ME1: variants seen among roughly 807,000 people sequenced by gnomAD.
ME1 encodes the protein NADP-dependent malic enzyme.
A neutral mutation model predicts 66.4 loss-of-function variants in ME1; 74 were observed. The ratio of observed to expected loss-of-function variants is 1.11; its 90% confidence interval spans 0.92 to 1.35. The LOEUF is 1.35. Ranked by LOEUF, ME1 falls within the 40% of genes most tolerant of loss-of-function variation. The pLI is 0.00. For missense variants in ME1, 750 were observed against 694.1 expected, an observed-to-expected ratio of 1.08 and a Z score of -0.90; for synonymous variants, 251 against 235.6, an observed-to-expected ratio of 1.07 and a Z score of -0.60.
At chr6:83,244,819 T>C (rs1365594915) in intron 7 of ME1, among the ~76,000 whole-genome samples, 2 of 152,046 alleles carry the variant, frequency 1.3e-5, no homozygotes, top group Non-Finnish European at 2.9e-5. Context: ...CAGAAAAATG[T>C]GTTATAACAC....
intron 3 of ME1, among the ~76,000 whole-genome samples, chr6:83,390,885 T>C (rs13340464): frequency 1.2e-5 from 1 of 85,896 alleles, no homozygotes; most frequent in Non-Finnish European, 3.1e-5. Context: ...TATATACATA[T>C]ATACATACAT....
chr6:83,373,921 C>A (rs1299607041), intron 3 of ME1, among the ~76,000 whole-genome samples: 1 of 152,118 alleles, frequency 6.6e-6, no homozygotes, highest in Admixed American at 6.5e-5. Context: ...CATCCATGTC[C>A]CTGAAAAGGC....
intron 1 of ME1, among the ~76,000 whole-genome samples, chr6:83,410,321 T>C (rs559163311): frequency 6.6e-6 from 1 of 152,268 alleles, no homozygotes; most frequent in Admixed American, 6.5e-5. Context: ...ATATTAAAAT[T>C]TATAAAATCT....
chr6:83,425,347 G>A (rs1770348892), intron 1 of ME1, among the ~76,000 whole-genome samples: 1 of 152,024 alleles, frequency 6.6e-6, no homozygotes, highest in Non-Finnish European at 1.5e-5. Flanking sequence ...GTATTAGTCT[G>A]TTCTCATGCT....
intron 3 of ME1, chr6:83,393,051 G>C (rs1769655762): frequency 1.5e-6 from 2 of 1,378,918 alleles, no homozygotes; most frequent in African/African-American, 2.8e-5. Flanking sequence ...TGCCAAGGCT[G>C]TGAGGAAGGT....
chr6:83,347,044 A>G (rs528137320), intron 4 of ME1, among the ~76,000 whole-genome samples: 1 of 151,646 alleles, frequency 6.6e-6, no homozygotes, highest in Non-Finnish European at 1.5e-5. Context: ...ACCTCTGCCT[A>G]CCGGGTTCAG....
chr6:83,290,474 T>A (rs1464096414), intron 6 of ME1, among the ~76,000 whole-genome samples: 1 of 152,232 alleles, frequency 6.6e-6, no homozygotes, highest in African/African-American at 2.4e-5. Context: ...CTAATTTGAT[T>A]GCACTGTGGT....
intron 1 of ME1, among the ~76,000 whole-genome samples, chr6:83,409,040 G>C (rs761124100): frequency 2.6e-5 from 4 of 151,986 alleles, no homozygotes; most frequent in Non-Finnish European, 5.9e-5. Context: ...CCTTATAAAA[G>C]GTACCTCAGA....
chr6:83,250,971 G>C (rs1051168021), intron 7 of ME1, among the ~76,000 whole-genome samples: 1 of 152,174 alleles, frequency 6.6e-6, no homozygotes, highest in African/African-American at 2.4e-5. Context: ...TGGCTTTGTT[G>C]CAATAACTTT....
chr6:83,413,706 C>CCTGAACTAATA (rs1770095445), intron 1 of ME1, among the ~76,000 whole-genome samples: 1 of 152,016 alleles, frequency 6.6e-6, no homozygotes, highest in African/African-American at 2.4e-5. Flanking sequence ...TACTAATTTG[C>CCTGAACTAATA]CCTGAACACA....
At chr6:83,254,894 C>A (rs1766732026) in intron 6 of ME1, among the ~76,000 whole-genome samples, 1 of 152,092 alleles carries the variant, frequency 6.6e-6, no homozygotes, top group Non-Finnish European at 1.5e-5. Flanking sequence ...TGATGTCAAA[C>A]CTCTCAGAAC....
intron 3 of ME1, among the ~76,000 whole-genome samples, chr6:83,395,431 AG>A (rs1769711322): frequency 6.6e-6 from 1 of 151,938 alleles, no homozygotes. Flanking sequence ...TATCTGTAAA[AG>A]GGAACCCAAA....
intron 6 of ME1, among the ~76,000 whole-genome samples, chr6:83,270,489 A>G (rs1310799384): frequency 6.6e-6 from 1 of 152,144 alleles, no homozygotes; most frequent in Middle Eastern, 3.2e-3. Context: ...ACCATATCCT[A>G]TAGTGATTAG....
intron 3 of ME1, among the ~76,000 whole-genome samples, chr6:83,362,336 A>G (rs148863487): frequency 2.4e-3 from 365 of 152,328 alleles, no homozygotes; most frequent in Non-Finnish European, 4.4e-3. Context: ...CTGTGAAGAT[A>G]TTTGTATCCC....
At chr6:83,330,633 TTAAA>T (rs1319050153) in intron 5 of ME1, among the ~76,000 whole-genome samples, 1 of 152,186 alleles carries the variant, frequency 6.6e-6, no homozygotes, top group African/African-American at 2.4e-5. Flanking sequence ...TCTGTCTCAT[TTAAA>T]TAAATTTTCC....
intron 6 of ME1, among the ~76,000 whole-genome samples, chr6:83,261,387 C>T (rs1041769347): frequency 7.0e-6 from 1 of 143,012 alleles, no homozygotes; most frequent in Non-Finnish European, 1.5e-5. Flanking sequence ...TATTTTCTCC[C>T]ATTCTGTAGG....
chr6:83,371,403 C>T (rs1423765459), intron 3 of ME1, among the ~76,000 whole-genome samples: 2 of 152,142 alleles, frequency 1.3e-5, no homozygotes, highest in Non-Finnish European at 2.9e-5. Context: ...AGTCTCATTT[C>T]CTATTCTAAT....
At chr6:83,253,281 T>C (rs561196391) in intron 7 of ME1, among the ~76,000 whole-genome samples, 20 of 152,176 alleles carry the variant, frequency 1.3e-4, no homozygotes, top group East Asian at 1.2e-3. Flanking sequence ...AGCATAAAAA[T>C]TGTGGCTAAG....
intron 7 of ME1, among the ~76,000 whole-genome samples, chr6:83,250,867 T>C (rs972214137): frequency 2.0e-5 from 3 of 152,206 alleles, no homozygotes; most frequent in African/African-American, 7.2e-5. Flanking sequence ...TAGTAAATAT[T>C]TTAGGGCTTG....
Sources: allele counts gnomAD v4.1 joint callset (sites outside exome capture counted in the v4.1 genomes callset), GRCh38; gene constraint gnomAD v4.1.1; transcripts MANE v1.5; gene names NCBI Gene and HGNC (gene_info 2026-07-23, HGNC 2026-07-21).